Variants in ADAMTS17 observed in about 807,000 individuals in gnomAD.
ADAMTS17 encodes ADAM metallopeptidase with thrombospondin type 1 motif 17.
Under a neutral mutation model 141.5 loss-of-function variants are expected in ADAMTS17, and 113 were observed. That is an observed-to-expected ratio of 0.80 (90% confidence interval 0.69 to 0.93). The LOEUF (loss-of-function observed/expected upper bound fraction) is 0.93, where lower values mean the gene tolerates loss of function less well. Among genes scored for constraint, ADAMTS17 ranks in the 40% least tolerant of loss-of-function variants. ADAMTS17 has a pLI of 0.00. For missense variants in ADAMTS17, 1,659 were observed against 1,517.9 expected (o/e 1.09, Z -1.54); for synonymous variants, 768 against 630.6 (o/e 1.22, Z -3.27).
chr15:100,334,324 G>A (rs948202590), intron 2 of ADAMTS17, among the ~76,000 whole-genome samples: 3 of 152,126 alleles, frequency 2.0e-5, no homozygotes, highest in Admixed American at 6.5e-5. Flanking sequence ...CTGTGGGAGG[G>A]GACAAAGTCA....
At chr15:100,324,012 G>A (rs1394522399) in intron 3 of ADAMTS17, among the ~76,000 whole-genome samples, 2 of 136,728 alleles carry the variant, frequency 1.5e-5, no homozygotes, top group Non-Finnish European at 3.1e-5. Flanking sequence ...ATCCGTAAAC[G>A]TTCCTTTCTC....
At chr15:100,008,132 C>G (rs879915795) in intron 18 of ADAMTS17, among the ~76,000 whole-genome samples, 2 of 152,070 alleles carry the variant, frequency 1.3e-5, no homozygotes, top group Admixed American at 6.5e-5. Context: ...GGTCCCAATG[C>G]CTCTTAAGAA....
chr15:100,211,578 TA>T (rs1478841118), intron 7 of ADAMTS17, among the ~76,000 whole-genome samples: 3 of 152,138 alleles, frequency 2.0e-5, no homozygotes, highest in Non-Finnish European at 4.4e-5. Flanking sequence ...AAAGAATTTT[TA>T]AAACAAGAAA....
At position 100,163,076 on chromosome 15, in the gene ADAMTS17, A is replaced by G. The variant is rs144419840; in HGVS notation, c.1182-7756T>C. 6.6e-3 allele frequency among the ~76,000 whole-genome samples: 998 copies of G among 150,118 alleles called. 41 individuals carry two copies. The East Asian group carries it at 0.086, about 13-fold the overall frequency. On this transcript the variant is annotated intron_variant, in intron 8 of 21. Transcript: ENST00000268070. ...TATATGTATATATATGTGTATACATATAACTATATAGTTCTATATAGTTCT... is the reference window on the plus strand; with the variant it reads ...TATATGTATATATATGTGTATACATGTAACTATATAGTTCTATATAGTTCT...
intron 12 of ADAMTS17, chr15:100,128,770 T>TG (rs1405802596): frequency 2.6e-5 from 4 of 152,236 alleles, no homozygotes; most frequent in African/African-American, 9.6e-5. Context: ...CTAATGCCGC[T>TG]GTCTGAACTG....
At chr15:100,151,774 C>G (rs2039176826) in intron 10 of ADAMTS17, among the ~76,000 whole-genome samples, 1 of 152,180 alleles carries the variant, frequency 6.6e-6, no homozygotes, top group Non-Finnish European at 1.5e-5. Context: ...CCTTCCCTGT[C>G]TGCTACACAG....
intron 14 of ADAMTS17, among the ~76,000 whole-genome samples, chr15:100,105,179 C>T (rs1410568701): frequency 6.6e-6 from 1 of 152,168 alleles, no homozygotes; most frequent in Non-Finnish European, 1.5e-5. Context: ...TGGTGGTCTG[C>T]CTGGAGGCAG....
chr15:100,023,115 A>C (rs971393294), intron 18 of ADAMTS17, among the ~76,000 whole-genome samples: 2 of 152,232 alleles, frequency 1.3e-5, no homozygotes, highest in Non-Finnish European at 2.9e-5. Context: ...GACCCTGAGA[A>C]AAGAGACTCT....
intron 6 of ADAMTS17, among the ~76,000 whole-genome samples, chr15:100,258,266 A>C (rs2043394244): frequency 6.6e-6 from 1 of 152,104 alleles, no homozygotes; most frequent in Non-Finnish European, 1.5e-5. Context: ...TGGTAACTCT[A>C]GTTTTGAGTT....
intron 20 of ADAMTS17, among the ~76,000 whole-genome samples, chr15:99,982,368 G>A (rs1398465340): frequency 1.3e-5 from 2 of 152,082 alleles, no homozygotes; most frequent in Non-Finnish European, 2.9e-5. Flanking sequence ...CTGGCTCCCT[G>A]AGTTGATCAG....
At chr15:100,303,759 G>A (rs949877322) in intron 3 of ADAMTS17, among the ~76,000 whole-genome samples, 4 of 151,628 alleles carry the variant, frequency 2.6e-5, no homozygotes, top group Admixed American at 6.6e-5. Flanking sequence ...CTCTCTTGTC[G>A]CCCAGGCTGG....
intron 2 of ADAMTS17, among the ~76,000 whole-genome samples, chr15:100,334,095 C>G (rs1278336912): frequency 2.0e-5 from 3 of 152,174 alleles, no homozygotes; most frequent in African/African-American, 7.2e-5. Flanking sequence ...TGGGTACTTG[C>G]TTTGAAGGGT....
chr15:100,248,681 C>T (rs1361305145), intron 7 of ADAMTS17, among the ~76,000 whole-genome samples: 1 of 152,188 alleles, frequency 6.6e-6, no homozygotes, highest in African/African-American at 2.4e-5. Flanking sequence ...ACAGTGACTT[C>T]CTCCAACGTG....
intron 7 of ADAMTS17, among the ~76,000 whole-genome samples, chr15:100,229,186 A>G (rs11854036): frequency 0.028 from 4,198 of 152,260 alleles, 166 homozygotes; most frequent in African/African-American, 0.09. Context: ...AGGAGCCAGC[A>G]CAGCTTTAAG....
chr15:100,254,843 G>A (rs895661103), intron 6 of ADAMTS17, among the ~76,000 whole-genome samples: 5 of 152,164 alleles, frequency 3.3e-5, no homozygotes, highest in East Asian at 1.9e-4. Flanking sequence ...AGGGCCAGCC[G>A]GGGGAGGCGG....
At position 100,146,226 on chromosome 15, in the gene ADAMTS17, G is replaced by C. The variant is rs138532274; in HGVS notation, c.1473+6386C>G. On this transcript the variant is annotated intron_variant, in intron 10 of 21. Transcript: ENST00000268070. ...TATATAGTATAAAAACCGTATAATAGTATACAGTTATGTGTTGCAGGAAGT... is the reference window on the plus strand; with the variant it reads ...TATATAGTATAAAAACCGTATAATACTATACAGTTATGTGTTGCAGGAAGT... Among the ~76,000 whole-genome samples, 560 of 152,318 alleles carry C rather than the reference G, an allele frequency of 3.7e-3. 1 individual carries two copies. The highest frequency in any genetic ancestry group is 0.013 in the African/African-American group (542 of 41,554).
chr15:100,149,274 G>T (rs1339381871), intron 10 of ADAMTS17, among the ~76,000 whole-genome samples: 7 of 152,246 alleles, frequency 4.6e-5, no homozygotes, highest in Non-Finnish European at 1.0e-4. Flanking sequence ...TTCTCAAAGG[G>T]TTCACAGGGA....
chr15:100,151,830 C>T (rs2039179894), intron 10 of ADAMTS17, among the ~76,000 whole-genome samples: 1 of 152,206 alleles, frequency 6.6e-6, no homozygotes, highest in Non-Finnish European at 1.5e-5. Flanking sequence ...ACCCACATGC[C>T]CCTCTTGGCA....
intron 18 of ADAMTS17, among the ~76,000 whole-genome samples, chr15:100,031,929 G>A (rs2030210374): frequency 6.6e-6 from 1 of 152,104 alleles, no homozygotes; most frequent in Non-Finnish European, 1.5e-5. Flanking sequence ...GCCCTTACGG[G>A]GAAGAGGAAC....
Sources: allele counts gnomAD v4.1 joint callset (sites outside exome capture counted in the v4.1 genomes callset), GRCh38; gene constraint gnomAD v4.1.1; transcripts MANE v1.5; gene names NCBI Gene and HGNC (gene_info 2026-07-23, HGNC 2026-07-21).